CLVS1: variants seen among roughly 807,000 people sequenced by gnomAD.
CLVS1 encodes the protein clavesin 1, also known as clavesin-1.
CLVS1 carries 10 observed loss-of-function variants against 33.1 expected under a neutral mutation model. The observed-to-expected ratio is 0.30, with a 90% CI of 0.19 to 0.51. The LOEUF (loss-of-function observed/expected upper bound fraction) is 0.51, where lower values mean the gene tolerates loss of function less well. Ranked by LOEUF, CLVS1 falls within the 20% of genes least tolerant of loss-of-function variation. CLVS1 has a pLI of 0.97. For missense variants in CLVS1, 343 were observed against 433.4 expected (o/e 0.79, Z 1.85); for synonymous variants, 163 against 166.1 (o/e 0.98, Z 0.14).
intron 2 of CLVS1, among the ~76,000 whole-genome samples, chr8:61,364,421 C>T (rs1008458777): frequency 1.3e-5 from 2 of 152,256 alleles, no homozygotes; most frequent in South Asian, 2.1e-4. Flanking sequence ...TACCAGCCTG[C>T]AAAACAGCCA....
rs116233008 is a variant in CLVS1, at chr8:61,210,934, G to A, written c.-152+79074G>A. 8.4e-3 allele frequency among the ~76,000 whole-genome samples: 1,271 copies of A among 152,080 alleles called. 23 individuals carry two copies. The highest frequency in any genetic ancestry group is 0.029 in the African/African-American group (1,201 of 41,472). ...GGAGGAACAGCTACATTTTAGGGAA[G>A]AGAGGGAGACTTCCTACCAAAAAAA... is the stretch of plus-strand genomic sequence containing the variant. On this transcript the variant is annotated intron_variant, in intron 2 of 2. Coordinates refer to the CLVS1 transcript ENST00000522621.
chr8:61,233,736 C>T (rs1808495336), intron 2 of CLVS1, among the ~76,000 whole-genome samples: 2 of 152,234 alleles, frequency 1.3e-5, no homozygotes, highest in South Asian at 4.1e-4. Context: ...GGGCCTGTGA[C>T]AGGCACAGTG....
the CLVS1 span, among the ~76,000 whole-genome samples, chr8:61,033,161 A>AAGAAAGAAAGAAAGAAAAAG: frequency 0.037 from 3,397 of 92,064 alleles, 700 homozygotes; most frequent in East Asian, 0.06. Flanking sequence ...GAAAGAAAGA[A>AAGAAAGAAAGAAAGAAAAAG]AAAGAAAGAA....
At chr8:61,462,715 TCTGTAAACC>T (rs1817410788) in intron 5 of CLVS1, among the ~76,000 whole-genome samples, 3 of 152,202 alleles carry the variant, frequency 2.0e-5, no homozygotes, top group African/African-American at 7.2e-5. Flanking sequence ...CTTAAAATAC[TCTGTAAACC>T]GTGCTATAAA....
intron 5 of CLVS1, among the ~76,000 whole-genome samples, chr8:61,490,428 G>A (rs1040472791): frequency 6.6e-5 from 10 of 151,958 alleles, no homozygotes; most frequent in African/African-American, 2.4e-4. Context: ...CAGCACTTTG[G>A]GAGGCTGAGG....
chr8:61,104,855 G>A (rs1805505710), intron 1 of CLVS1, among the ~76,000 whole-genome samples: 1 of 152,124 alleles, frequency 6.6e-6, no homozygotes, highest in African/African-American at 2.4e-5. Context: ...TTTAGACAGA[G>A]TCTCGCTCTG....
chr8:61,133,724 T>A (rs79749002), intron 2 of CLVS1, among the ~76,000 whole-genome samples: 2 of 152,096 alleles, frequency 1.3e-5, no homozygotes, highest in East Asian at 3.9e-4. Context: ...TTTTAGGAGG[T>A]CATTGTGCTT....
At chr8:61,033,118 G>GAAA in the CLVS1 span, among the ~76,000 whole-genome samples, 1 of 37,562 alleles carries the variant, frequency 2.7e-5, no homozygotes, top group Admixed American at 2.4e-4. Flanking sequence ...AAAGAAGGAA[G>GAAA]GAAGAAAGGA....
chr8:61,211,650 A>G (rs747000632), intron 2 of CLVS1, among the ~76,000 whole-genome samples: 2 of 152,234 alleles, frequency 1.3e-5, no homozygotes, highest in Admixed American at 1.3e-4. Context: ...CTTGCTTTGA[A>G]GGCAGCTGTG....
chr8:61,144,815 C>T (rs111764769), intron 2 of CLVS1, among the ~76,000 whole-genome samples: 7 of 152,264 alleles, frequency 4.6e-5, no homozygotes, highest in East Asian at 1.9e-4. Flanking sequence ...AATAATCCTC[C>T]GCTTCCTGGG....
chr8:61,037,254 A>G, the CLVS1 span, among the ~76,000 whole-genome samples: 3 of 152,130 alleles, frequency 2.0e-5, 1 homozygote, highest in African/African-American at 7.2e-5. Context: ...ATGGGTACTG[A>G]ATCTCTGTAC....
At chr8:61,162,981 C>G (rs1449699364) in intron 2 of CLVS1, among the ~76,000 whole-genome samples, 1 of 152,176 alleles carries the variant, frequency 6.6e-6, no homozygotes, top group African/African-American at 2.4e-5. Context: ...TCCAAAGTGC[C>G]AAACTCACAG....
chr8:61,320,882 G>A (rs1283613481), intron 2 of CLVS1, among the ~76,000 whole-genome samples: 1 of 152,128 alleles, frequency 6.6e-6, no homozygotes, highest in Admixed American at 6.6e-5. Flanking sequence ...AAGATAAGAA[G>A]TATGATACTG....
intron 3 of CLVS1, among the ~76,000 whole-genome samples, chr8:61,394,782 C>A (rs1434689114): frequency 6.6e-6 from 1 of 152,156 alleles, no homozygotes; most frequent in Non-Finnish European, 1.5e-5. Context: ...AATGGCTGTA[C>A]CAATTTACAT....
chr8:61,137,764 G>A (rs1257054327), intron 2 of CLVS1, among the ~76,000 whole-genome samples: 2 of 152,164 alleles, frequency 1.3e-5, no homozygotes, highest in Non-Finnish European at 1.5e-5. Context: ...TGATGATCCT[G>A]CTGAACTTGA....
intron 2 of CLVS1, among the ~76,000 whole-genome samples, chr8:61,157,352 A>C (rs1806670513): frequency 6.6e-6 from 1 of 152,248 alleles, no homozygotes; most frequent in Admixed American, 6.5e-5. Context: ...TAGAAAAATC[A>C]AGATGTTTGA....
intron 2 of CLVS1, among the ~76,000 whole-genome samples, chr8:61,318,509 A>G (rs188151645): frequency 6.6e-6 from 1 of 152,324 alleles, no homozygotes; most frequent in Non-Finnish European, 1.5e-5. Context: ...CTCAGGACTC[A>G]TGCATTTCTG....
At chr8:61,034,030 G>C in the CLVS1 span, among the ~76,000 whole-genome samples, 1 of 152,092 alleles carries the variant, frequency 6.6e-6, no homozygotes, top group Non-Finnish European at 1.5e-5. Context: ...CAGCGGGAGA[G>C]GCCAGGACCA....
Position 61,440,271 on chromosome 8 carries a change from T to G in CLVS1, c.631-13870T>G, listed in dbSNP as rs531720925. 6.6e-5 allele frequency among the ~76,000 whole-genome samples: 10 copies of G among 152,372 alleles called. No homozygotes were observed. In the South Asian group the frequency reaches 2.1e-3, roughly 32 times the overall value. On this transcript the variant is annotated intron_variant, in intron 3 of 5. Coordinates refer to ENST00000325897, the MANE Select transcript of CLVS1 (RefSeq NM_173519.3). ...AACCTCTATAATGTTATCAAGAGCATTACATGAGACAACACATATAAAAGT... is the reference window on the plus strand; with the variant it reads ...AACCTCTATAATGTTATCAAGAGCAGTACATGAGACAACACATATAAAAGT...
Sources: gnomAD v4.1 joint callset for allele counts (sites outside exome capture counted in the v4.1 genomes callset) on GRCh38, gnomAD v4.1.1 for gene constraint, MANE v1.5 for transcripts, NCBI Gene and HGNC (gene_info 2026-07-23, HGNC 2026-07-21) for gene names.